Variants in TMEM132C observed in about 807,000 individuals in gnomAD.
The protein encoded by TMEM132C is protein phosphatase 1, regulatory subunit 152.
Under a neutral mutation model 61.4 loss-of-function variants are expected in TMEM132C, and 29 were observed. The observed-to-expected ratio is 0.47, with a 90% CI of 0.35 to 0.64. The LOEUF (loss-of-function observed/expected upper bound fraction) is 0.64, where lower values mean the gene tolerates loss of function less well. Ranked by LOEUF, TMEM132C falls within the 30% of genes least tolerant of loss-of-function variation. The pLI, the probability that TMEM132C is intolerant of heterozygous loss-of-function variation, is 0.00. For missense variants in TMEM132C, 1,408 were observed against 1,476.9 expected (o/e 0.95, Z 0.76); for synonymous variants, 656 against 633.1 (o/e 1.04, Z -0.54).
intron 2 of TMEM132C, among the ~76,000 whole-genome samples, chr12:128,451,978 T>G (rs965562060): frequency 9.2e-5 from 14 of 152,244 alleles, no homozygotes; most frequent in African/African-American, 3.4e-4. Context: ...AATTAAATTT[T>G]AAGTATTATT....
At chr12:128,477,532 C>G (rs1052682422) in intron 2 of TMEM132C, among the ~76,000 whole-genome samples, 6 of 152,114 alleles carry the variant, frequency 3.9e-5, no homozygotes, top group Admixed American at 3.9e-4. Context: ...ACAACTAATA[C>G]AGTATATTCT....
chr12:128,342,125 C>T (rs1446860890), intron 1 of TMEM132C, among the ~76,000 whole-genome samples: 2 of 152,078 alleles, frequency 1.3e-5, no homozygotes, highest in African/African-American at 2.4e-5. Context: ...TCTCCTGCCT[C>T]AGCCTCCAGA....
intron 2 of TMEM132C, among the ~76,000 whole-genome samples, chr12:128,425,552 C>T (rs373943401): frequency 1.3e-5 from 2 of 152,216 alleles, no homozygotes; most frequent in East Asian, 1.9e-4. Flanking sequence ...TAGCTCCCTG[C>T]GGCTGCCATA....
At chr12:128,465,070 C>T (rs1593063073) in intron 2 of TMEM132C, among the ~76,000 whole-genome samples, 1 of 152,128 alleles carries the variant, frequency 6.6e-6, no homozygotes, top group African/African-American at 2.4e-5. Flanking sequence ...TTGAGACGTC[C>T]TCCTATGCTT....
At chr12:128,690,152 C>A (rs1954708833) in intron 5 of TMEM132C, among the ~76,000 whole-genome samples, 1 of 152,198 alleles carries the variant, frequency 6.6e-6, no homozygotes, top group African/African-American at 2.4e-5. Context: ...TACAGGCAGA[C>A]ACTGATTTCT....
At chr12:128,693,473 G>T (rs1328955671) in intron 5 of TMEM132C, among the ~76,000 whole-genome samples, 1 of 152,214 alleles carries the variant, frequency 6.6e-6, no homozygotes, top group Non-Finnish European at 1.5e-5. Context: ...CAACCAGTAG[G>T]AATAAGAAAT....
At chr12:128,293,756 C>T (rs1401959470) in intron 1 of TMEM132C, among the ~76,000 whole-genome samples, 1 of 152,096 alleles carries the variant, frequency 6.6e-6, no homozygotes, top group Non-Finnish European at 1.5e-5. Context: ...AGTGAGCATT[C>T]TGGAGACTGC....
intron 1 of TMEM132C, among the ~76,000 whole-genome samples, chr12:128,275,213 A>G (rs930954703): frequency 6.6e-6 from 1 of 152,198 alleles, no homozygotes; most frequent in Non-Finnish European, 1.5e-5. Context: ...ATTAGGAACT[A>G]GGCTGCAGAG....
rs188570930 is a variant in TMEM132C at position 128,544,107 on chromosome 12, A to C, written c.1121+4A>C. The C allele has an allele frequency of 3.0e-3, 4,565 of 1,523,240 alleles. 31 individuals carry two copies. Among genetic ancestry groups the C allele is most frequent in the South Asian group, 0.011 (867 of 79,980 alleles). 94.4% of individuals were successfully genotyped at this position (1,523,240 alleles called of 1,614,324 possible). A position where few individuals can be genotyped will look rare whatever the true frequency, so the allele number is the denominator to read the frequency against. On this transcript the variant is annotated splice_donor_region_variant and intron_variant, in intron 3 of 8. Coordinates refer to ENST00000435159, the MANE Select transcript of TMEM132C (RefSeq NM_001136103.3). ...TGGGGCCCAGCCCACGCAACAGGTA[A>C]GCGGTGCCCTCCCTGCAAGCGTGTG...
chr12:128,338,375 C>G (rs1872847859), intron 1 of TMEM132C, among the ~76,000 whole-genome samples: 1 of 152,186 alleles, frequency 6.6e-6, no homozygotes, highest in Non-Finnish European at 1.5e-5. Flanking sequence ...ACAGCTTAAT[C>G]ATCCAGGGAA....
intron 2 of TMEM132C, among the ~76,000 whole-genome samples, chr12:128,436,626 C>T (rs1233847534): frequency 7.2e-5 from 11 of 152,144 alleles, no homozygotes; most frequent in African/African-American, 2.7e-4. Flanking sequence ...GAATGGCAGT[C>T]ATTAAAAAGT....
chr12:128,545,844 G>A (rs1410237065), intron 3 of TMEM132C, among the ~76,000 whole-genome samples: 1 of 152,114 alleles, frequency 6.6e-6, no homozygotes, highest in Non-Finnish European at 1.5e-5. Flanking sequence ...TGGCTTCTTG[G>A]ATTCAAAACG....
Position 128,692,078 on chromosome 12 carries a change from T to C in TMEM132C, c.1450-1751T>C, listed in dbSNP as rs61050507. On this transcript the variant is annotated intron_variant, in intron 5 of 8. Coordinates refer to ENST00000435159, the MANE Select transcript of TMEM132C (RefSeq NM_001136103.3). ...TGTCCACCACCCATTCACCTGTCCA[T>C]CCATCCGTTCATGTGTCTGTCCATC... Among the ~76,000 whole-genome samples the C allele has an allele frequency of 1.6e-3, 211 of 129,942 alleles. 1 individual carries two copies. The highest frequency in any genetic ancestry group is 9.4e-3 in the Middle Eastern group (2 of 212). The allele number at this position is 129,942 out of a possible 152,430, so 85.2% of individuals were successfully genotyped here.
intron 2 of TMEM132C, among the ~76,000 whole-genome samples, chr12:128,438,359 C>G (rs184875572): frequency 6.6e-6 from 1 of 152,180 alleles, no homozygotes; most frequent in East Asian, 1.9e-4. Context: ...GAGCCTGGCA[C>G]CTCCTCCATA....
At chr12:128,704,762 A>G (rs1051229674) in intron 8 of TMEM132C, among the ~76,000 whole-genome samples, 2 of 152,224 alleles carry the variant, frequency 1.3e-5, no homozygotes, top group African/African-American at 2.4e-5. Context: ...GTCTGTGAAC[A>G]TGCACCGGCT....
At chr12:128,661,288 A>T (rs1428555276) in intron 4 of TMEM132C, among the ~76,000 whole-genome samples, 1 of 152,202 alleles carries the variant, frequency 6.6e-6, no homozygotes, top group Non-Finnish European at 1.5e-5. Context: ...TCCTTTATAA[A>T]TAAAGTCAGC....
At chr12:128,343,708 T>C (rs533656567) in intron 1 of TMEM132C, among the ~76,000 whole-genome samples, 1 of 152,300 alleles carries the variant, frequency 6.6e-6, no homozygotes, top group South Asian at 2.1e-4. Flanking sequence ...AAATTTAGAT[T>C]ATGTTTTCCA....
chr12:128,320,560 G>A (rs1419956154), intron 1 of TMEM132C, among the ~76,000 whole-genome samples: 1 of 152,134 alleles, frequency 6.6e-6, no homozygotes. Flanking sequence ...AAGCCCAGGA[G>A]TTTGAGAACA....
At chr12:128,503,425 C>T (rs190488917) in intron 2 of TMEM132C, among the ~76,000 whole-genome samples, 2 of 152,338 alleles carry the variant, frequency 1.3e-5, no homozygotes, top group Admixed American at 1.3e-4. Flanking sequence ...GTCTGCAGCG[C>T]TGTTTTTCTT....
Sources: allele counts gnomAD v4.1 joint callset (sites outside exome capture counted in the v4.1 genomes callset), GRCh38; gene constraint gnomAD v4.1.1; transcripts MANE v1.5; gene names NCBI Gene and HGNC (gene_info 2026-07-23, HGNC 2026-07-21).